The following GRIA1 variants were observed in gnomAD, a reference collection of about 807,000 sequenced individuals.
The protein encoded by GRIA1 is glutamate ionotropic receptor AMPA type subunit 1, also known as glutamate receptor 1.
A neutral mutation model predicts 99.2 loss-of-function variants in GRIA1; 31 were observed. The ratio of observed to expected loss-of-function variants is 0.31; its 90% CI spans 0.23 to 0.42. The LOEUF (loss-of-function observed/expected upper bound fraction) is 0.42, where lower values mean the gene tolerates loss of function less well. Among genes scored for constraint, GRIA1 ranks in the 10% least tolerant of loss-of-function variants. The pLI, the probability that GRIA1 is intolerant of heterozygous loss-of-function variation, is 1.00. For missense variants in GRIA1, 782 were observed against 1,157.5 expected (o/e 0.68, Z 4.71); for synonymous variants, 438 against 432.4 (o/e 1.01, Z -0.16).
At chr5:153,720,413 C>G (rs1417728817) in intron 11 of GRIA1, among the ~76,000 whole-genome samples, 1 of 152,080 alleles carries the variant, frequency 6.6e-6, no homozygotes, top group Non-Finnish European at 1.5e-5. Flanking sequence ...CACAGGAAAC[C>G]CTTCAAGAGA....
chr5:153,679,159 T>C (rs1200965144), intron 7 of GRIA1, among the ~76,000 whole-genome samples: 3 of 152,090 alleles, frequency 2.0e-5, no homozygotes, highest in African/African-American at 7.2e-5. Context: ...TCTTTGAGGA[T>C]CTATGGTGTG....
At chr5:153,709,101 T>A (rs1759126411) in intron 11 of GRIA1, among the ~76,000 whole-genome samples, 1 of 152,206 alleles carries the variant, frequency 6.6e-6, no homozygotes, top group Admixed American at 6.5e-5. Context: ...ATGATCAAAG[T>A]TAGAGACTAA....
At chr5:153,557,227 C>T (rs181061156) in intron 2 of GRIA1, among the ~76,000 whole-genome samples, 185 of 151,422 alleles carry the variant, frequency 1.2e-3, no homozygotes, top group Non-Finnish European at 2.2e-3. Flanking sequence ...AAACACTCCA[C>T]GGTTAGGCTA....
At chr5:153,534,862 G>A (rs950648181) in intron 2 of GRIA1, among the ~76,000 whole-genome samples, 7 of 152,136 alleles carry the variant, frequency 4.6e-5, no homozygotes, top group Non-Finnish European at 8.8e-5. Context: ...ATTTGAAAAA[G>A]TGTATTCTAC....
At chr5:153,614,552 CAG>C (rs1442955564) in intron 2 of GRIA1, among the ~76,000 whole-genome samples, 1 of 152,174 alleles carries the variant, frequency 6.6e-6, no homozygotes, top group Non-Finnish European at 1.5e-5. Flanking sequence ...TGGAAAGTGG[CAG>C]AGTTTGTTTG....
At chr5:153,643,601 C>T (rs1753927207) in intron 2 of GRIA1, among the ~76,000 whole-genome samples, 2 of 152,104 alleles carry the variant, frequency 1.3e-5, no homozygotes, top group South Asian at 2.1e-4. Context: ...TCTGCTGTTG[C>T]TTAAGTTTGG....
intron 13 of GRIA1, among the ~76,000 whole-genome samples, chr5:153,790,198 A>G (rs138653473): frequency 1.3e-5 from 2 of 152,214 alleles, no homozygotes; most frequent in South Asian, 4.1e-4. Context: ...GAAGAAGTTT[A>G]TAACAAAAGG....
At chr5:153,532,945 C>T (rs886851460) in intron 2 of GRIA1, among the ~76,000 whole-genome samples, 1 of 152,156 alleles carries the variant, frequency 6.6e-6, no homozygotes, top group African/African-American at 2.4e-5. Context: ...AGCCCAGGAC[C>T]TAGAAGATTC....
chr5:153,592,017 G>C (rs530805539), intron 2 of GRIA1, among the ~76,000 whole-genome samples: 66 of 151,858 alleles, frequency 4.3e-4, no homozygotes, highest in Non-Finnish European at 8.5e-4. Flanking sequence ...AAAACATCTC[G>C]GGCTTTATTC....
chr5:153,693,157 T>C (rs1476012804), intron 8 of GRIA1, among the ~76,000 whole-genome samples: 2 of 152,200 alleles, frequency 1.3e-5, no homozygotes, highest in Non-Finnish European at 2.9e-5. Flanking sequence ...TGGGTCTTTC[T>C]GGATTTCAAC....
chr5:153,586,373 T>A (rs1763483299), intron 2 of GRIA1, among the ~76,000 whole-genome samples: 1 of 152,210 alleles, frequency 6.6e-6, no homozygotes, highest in South Asian at 2.1e-4. Flanking sequence ...GCTACTATTA[T>A]CCTCATTCAC....
chr5:153,575,261 AAG>A (rs1762434314), intron 2 of GRIA1, among the ~76,000 whole-genome samples: 1 of 152,040 alleles, frequency 6.6e-6, no homozygotes, highest in Admixed American at 6.6e-5. Context: ...GGATGAACTA[AAG>A]AGTGGTCCTC....
At chr5:153,714,151 G>A (rs1202592565) in intron 11 of GRIA1, among the ~76,000 whole-genome samples, 1 of 152,172 alleles carries the variant, frequency 6.6e-6, no homozygotes, top group Non-Finnish European at 1.5e-5. Flanking sequence ...GCACATGCAT[G>A]TGTCAGCTAG....
chr5:153,552,238 C>CA (rs1027907679), intron 2 of GRIA1, among the ~76,000 whole-genome samples: 74 of 109,508 alleles, frequency 6.8e-4, no homozygotes, highest in African/African-American at 1.3e-3. Flanking sequence ...GGATTTTCAG[C>CA]AAAAAAAAAG....
intron 11 of GRIA1, among the ~76,000 whole-genome samples, chr5:153,715,866 T>C (rs1759631920): frequency 1.3e-5 from 2 of 152,328 alleles, no homozygotes; most frequent in Admixed American, 1.3e-4. Flanking sequence ...GACTCTGTCC[T>C]GTTTTTCATT....
chr5:153,751,036 G>A (rs1478542945), intron 11 of GRIA1, among the ~76,000 whole-genome samples: 1 of 152,122 alleles, frequency 6.6e-6, no homozygotes, highest in African/African-American at 2.4e-5. Flanking sequence ...GGAGGCAGAG[G>A]TTGCAGTGAG....
chr5:153,701,486 C>G (rs916256353), intron 10 of GRIA1, among the ~76,000 whole-genome samples: 1 of 151,478 alleles, frequency 6.6e-6, no homozygotes, highest in African/African-American at 2.4e-5. Context: ...TGGTAGTGGG[C>G]GCCTGTAGTC....
At chr5:153,541,928 C>CA (rs57442019) in intron 2 of GRIA1, among the ~76,000 whole-genome samples, 1,843 of 97,290 alleles carry the variant, frequency 0.019, 88 homozygotes, top group African/African-American at 0.053. Context: ...GATCCTGTTT[C>CA]AAAAAAAAAA....
At chr5:153,714,492 C>T (rs1214698807) in intron 11 of GRIA1, among the ~76,000 whole-genome samples, 2 of 152,054 alleles carry the variant, frequency 1.3e-5, no homozygotes, top group East Asian at 3.9e-4. Context: ...AAGATGGTCC[C>T]TAAATTCCTG....
Sources: allele counts gnomAD v4.1 joint callset (sites outside exome capture counted in the v4.1 genomes callset), GRCh38; gene constraint gnomAD v4.1.1; transcripts MANE v1.5; gene names NCBI Gene and HGNC (gene_info 2026-07-23, HGNC 2026-07-21).